The following FUBP1 variants were observed in gnomAD, a reference collection of about 807,000 sequenced individuals.
FUBP1 encodes the protein far upstream element binding protein 1, also known as far upstream element-binding protein 1.
A neutral mutation model predicts 94.9 loss-of-function variants in FUBP1; 16 were observed. That is an observed-to-expected ratio of 0.17 (90% CI 0.11 to 0.26). FUBP1 has a LOEUF of 0.26. Ranked by LOEUF, FUBP1 falls within the 10% of genes least tolerant of loss-of-function variation. The pLI is 1.00. For synonymous variants in FUBP1, 279 were observed against 254.9 expected (o/e 1.09, Z -0.90); for missense variants, 583 against 808.6 (o/e 0.72, Z 3.38).
At chr1:77,965,640 T>C (rs1656328564) in intron 7 of FUBP1, among the ~76,000 whole-genome samples, 1 of 152,236 alleles carries the variant, frequency 6.6e-6, no homozygotes, top group South Asian at 2.1e-4. Flanking sequence ...GGTGCTATTC[T>C]AGGTAATGGG....
intron 1 of FUBP1, among the ~76,000 whole-genome samples, chr1:77,971,371 C>T (rs1657502973): frequency 6.6e-6 from 1 of 152,154 alleles, no homozygotes; most frequent in Non-Finnish European, 1.5e-5. Context: ...CCAAAGAGAT[C>T]CCCATATGGA....
rs1372969997 is a variant in FUBP1 at position 77,947,771 on chromosome 1, A to G, written c.*995T>C. 4.5e-6 allele frequency: 3 copies of G among 660,174 alleles called. No homozygotes were observed. Among genetic ancestry groups the G allele is most frequent in the Non-Finnish European group, 6.6e-6 (3 of 453,454 alleles). 40.9% of individuals were successfully genotyped at this position (660,174 alleles called of 1,614,324 possible). ...TGCATTTACAAAACAAAGCTTATCTATACTGCATAAAGAAAAAAAAAAAGC... is the reference window on the plus strand; with the variant it reads ...TGCATTTACAAAACAAAGCTTATCTGTACTGCATAAAGAAAAAAAAAAAGC... On this transcript the variant is annotated 3_prime_UTR_variant, in exon 20 of 20. Coordinates refer to ENST00000370768, the MANE Select transcript of FUBP1 (RefSeq NM_003902.5).
intron 1 of FUBP1, among the ~76,000 whole-genome samples, chr1:77,971,411 A>T (rs1657511608): frequency 6.6e-6 from 1 of 152,216 alleles, no homozygotes; most frequent in African/African-American, 2.4e-5. Flanking sequence ...TTATCATCAG[A>T]CAACTGGAGA....
intron 2 of FUBP1, among the ~76,000 whole-genome samples, chr1:77,968,577 A>G (rs557765441): frequency 1.3e-5 from 2 of 151,960 alleles, no homozygotes; most frequent in South Asian, 4.2e-4. Flanking sequence ...GGGGGAGAAA[A>G]GCCTATCAAA....
chr1:77,964,201 G>T (rs1210547376), intron 11 of FUBP1, 39 bp from the exon 12 acceptor site: 2 of 1,543,510 alleles, frequency 1.3e-6, no homozygotes, highest in Admixed American at 1.7e-5. Context: ...AACAATAAAT[G>T]TATGTCAAAA....
intron 18 of FUBP1, among the ~76,000 whole-genome samples, chr1:77,953,932 A>G (rs1653972325): frequency 6.6e-6 from 1 of 152,166 alleles, no homozygotes; most frequent in African/African-American, 2.4e-5. Context: ...CTACTTAATA[A>G]TAACTAGGGA....
chr1:77,959,126 GT>G (rs1040426375), intron 16 of FUBP1, among the ~76,000 whole-genome samples: 2 of 152,166 alleles, frequency 1.3e-5, no homozygotes, highest in Non-Finnish European at 2.9e-5. Flanking sequence ...ATTACTTCAA[GT>G]TTTTTTGGGA....
At chr1:77,949,878 A>G (rs900340139) in intron 18 of FUBP1, among the ~76,000 whole-genome samples, 1 of 152,256 alleles carries the variant, frequency 6.6e-6, no homozygotes, top group Non-Finnish European at 1.5e-5. Flanking sequence ...TAAGATGTTA[A>G]AAGTATTAAT....
In FUBP1 at chr1:77,965,195, T is replaced by C. The variant is rs2102404359; in HGVS notation, c.510A>G (p.Lys170=). 6.2e-7 allele frequency: 1 copy of C among 1,608,552 alleles called. No homozygotes were observed. Among genetic ancestry groups the C allele is most frequent in the Non-Finnish European group, 8.5e-7 (1 of 1,175,416 alleles). The stretch of plus-strand genomic sequence containing the variant: ...GATGGAAGCCAGGAGCTGGTCTTCC[T>C]TTTTCAACAATCTGGTCCAGTAACC... The part of the protein sequence containing the change: ...AKRLLDQIVE[K]GRPAPGFHHG... The change falls in exon 8 of 20, where the codon AAA becomes AAG. Residue 170 remains lysine (K), a synonymous_variant. Transcript: ENST00000370768.
chr1:77,949,419 G>T, intron 18 of FUBP1, 119 bp from the exon 19 acceptor site: 2 of 726,290 alleles, frequency 2.8e-6, no homozygotes, highest in Non-Finnish European at 4.3e-6. Flanking sequence ...ATAATCTTGT[G>T]TTTGCCCTTG....
intron 1 of FUBP1, among the ~76,000 whole-genome samples, chr1:77,972,520 C>CG (rs1291378967): frequency 3.5e-5 from 5 of 144,446 alleles, no homozygotes; most frequent in Admixed American, 2.9e-4. Flanking sequence ...CGAGGCAGGG[C>CG]GGGGGGGATC....
intron 7 of FUBP1, among the ~76,000 whole-genome samples, 192 bp downstream of exon 7, chr1:77,966,502 G>T (rs1196987416): frequency 1.3e-5 from 2 of 152,202 alleles, no homozygotes; most frequent in Non-Finnish European, 2.9e-5. Flanking sequence ...CATTTTCTGT[G>T]TTTAATGATT....
chr1:77,954,850 T>C (rs148920485), intron 18 of FUBP1, among the ~76,000 whole-genome samples: 39 of 152,344 alleles, frequency 2.6e-4, no homozygotes, highest in African/African-American at 8.9e-4. Flanking sequence ...AGCCAGATTC[T>C]GGTTCCATCA....
At chr1:77,963,228 C>T (rs1258737841) in intron 13 of FUBP1, among the ~76,000 whole-genome samples, 1 of 152,014 alleles carries the variant, frequency 6.6e-6, no homozygotes, top group African/African-American at 2.4e-5. Flanking sequence ...TAAATATAAA[C>T]TAATACACTT....
intron 18 of FUBP1, among the ~76,000 whole-genome samples, chr1:77,953,134 A>C (rs546173542): frequency 5.9e-5 from 9 of 152,200 alleles, no homozygotes; most frequent in African/African-American, 9.6e-5. Context: ...GTCTTAAAAA[A>C]AACAACAACA....
intron 6 of FUBP1, 59 bp downstream of exon 6, chr1:77,966,822 TAAA>T (rs200892659): frequency 8.0e-5 from 85 of 1,059,218 alleles, no homozygotes; most frequent in Non-Finnish European, 1.0e-4. Flanking sequence ...CTAGAAGGCT[TAAA>T]AAAAAAAAAA....
intron 14 of FUBP1, 124 bp from the exon 15 acceptor site, chr1:77,960,619 T>C: frequency 1.4e-6 from 1 of 725,518 alleles, no homozygotes. Flanking sequence ...TAGGTTTTCC[T>C]TCCTTTCCTC....
intron 18 of FUBP1, among the ~76,000 whole-genome samples, chr1:77,954,605 C>T (rs1272418836): frequency 1.3e-5 from 2 of 152,162 alleles, no homozygotes; most frequent in Non-Finnish European, 2.9e-5. Flanking sequence ...GTAGACCGTT[C>T]TCTTATGACA....
chr1:77,946,870 G>A lies in FUBP1; in HGVS notation c.*1896C>T, dbSNP rs1011416188. 5 of 204,066 alleles carry A rather than the reference G, an allele frequency of 2.5e-5. No homozygotes were observed. Among genetic ancestry groups the A allele is most frequent in the Admixed American group, 2.4e-4 (4 of 16,722 alleles). The allele number at this position is 204,066 out of a possible 1,614,324, so 12.6% of individuals were successfully genotyped here. On this transcript the variant is annotated 3_prime_UTR_variant, in exon 20 of 20. Transcript: ENST00000370768. ...ATATGCAGATCTAAATAAGGGTAAG[G>A]GAAGTCACTCTAGGTTATATAAAAC...
Sources: gnomAD v4.1 joint callset for allele counts (sites outside exome capture counted in the v4.1 genomes callset) on GRCh38, gnomAD v4.1.1 for gene constraint, MANE v1.5 for transcripts, NCBI Gene and HGNC (gene_info 2026-07-23, HGNC 2026-07-21) for gene names.